The following GHR variants were observed in gnomAD, a reference collection of about 807,000 sequenced individuals.
The protein encoded by GHR is growth hormone receptor.
Under a neutral mutation model 67.1 loss-of-function variants are expected in GHR, and 35 were observed. The ratio of observed to expected loss-of-function variants is 0.52; its 90% CI spans 0.40 to 0.69. The LOEUF (loss-of-function observed/expected upper bound fraction) is 0.69, where lower values mean the gene tolerates loss of function less well. Among genes scored for constraint, GHR ranks in the 30% least tolerant of loss-of-function variants. GHR has a pLI of 0.00. For synonymous variants in GHR, 272 were observed against 269.1 expected (o/e 1.01, Z -0.10); for missense variants, 792 against 764.6 (o/e 1.04, Z -0.42).
At chr5:42,429,110 G>A (rs572986015) in intron 1 of GHR, among the ~76,000 whole-genome samples, 94 of 152,288 alleles carry the variant, frequency 6.2e-4, no homozygotes, top group African/African-American at 2.2e-3. Flanking sequence ...AATTTATAAA[G>A]AAAATTAGGT....
chr5:42,541,701 A>T (rs1748526389), intron 1 of GHR, among the ~76,000 whole-genome samples: 1 of 152,310 alleles, frequency 6.6e-6, no homozygotes, highest in South Asian at 2.1e-4. Context: ...GCCTTGGTTA[A>T]GGGAGATAAA....
At chr5:42,625,874 T>TA (rs1258837444) in intron 2 of GHR, among the ~76,000 whole-genome samples, 2 of 152,054 alleles carry the variant, frequency 1.3e-5, no homozygotes, top group African/African-American at 4.8e-5. Context: ...ATTTTTCCCA[T>TA]AAGAGACTTT....
Position 42,710,874 on chromosome 5 carries a change from T to C in GHR, c.619-333T>C, listed in dbSNP as rs1488979333. On this transcript the variant is annotated intron_variant, in intron 6 of 9. Transcript: ENST00000230882. ...ACAAAAGTATAATATCCCAGATATGTAGGCATATAGTTCTGCCATTCAGAG... is the reference window on the plus strand; with the variant it reads ...ACAAAAGTATAATATCCCAGATATGCAGGCATATAGTTCTGCCATTCAGAG... 3.9e-5 allele frequency among the ~76,000 whole-genome samples: 6 copies of C among 152,202 alleles called. No homozygotes were observed. In the East Asian group the frequency reaches 1.2e-3, roughly 29 times the overall value.
chr5:42,452,593 T>A (rs577197399), intron 1 of GHR, among the ~76,000 whole-genome samples: 185 of 152,272 alleles, frequency 1.2e-3, no homozygotes, highest in African/African-American at 4.3e-3. Context: ...TGTTCATTTT[T>A]AAAAATTCTT....
chr5:42,670,045 A>G (rs1338425806), intron 3 of GHR, among the ~76,000 whole-genome samples: 4 of 152,214 alleles, frequency 2.6e-5, no homozygotes, highest in Admixed American at 6.5e-5. Flanking sequence ...TGGAACCACA[A>G]AAGACTCTGA....
chr5:42,572,585 G>T (rs535038560), intron 2 of GHR, among the ~76,000 whole-genome samples: 1 of 152,158 alleles, frequency 6.6e-6, no homozygotes, highest in Non-Finnish European at 1.5e-5. Flanking sequence ...AGGCCTTGGG[G>T]CTTAGAGCAC....
intron 8 of GHR, among the ~76,000 whole-genome samples, chr5:42,717,070 G>A (rs908004754): frequency 6.6e-6 from 1 of 152,208 alleles, no homozygotes; most frequent in Non-Finnish European, 1.5e-5. Flanking sequence ...ACTTTGGGAG[G>A]ATGGGGCGGG....
intron 1 of GHR, among the ~76,000 whole-genome samples, chr5:42,487,677 A>G (rs1451536394): frequency 6.6e-6 from 1 of 152,172 alleles, no homozygotes; most frequent in African/African-American, 2.4e-5. Context: ...GCCTTCCAAA[A>G]CTATATTTTA....
intron 3 of GHR, among the ~76,000 whole-genome samples, chr5:42,687,469 A>C (rs1248170961): frequency 6.6e-6 from 1 of 152,240 alleles, no homozygotes; most frequent in Admixed American, 6.5e-5. Context: ...AATGGAAACT[A>C]GACAAGGACC....
intron 2 of GHR, among the ~76,000 whole-genome samples, chr5:42,600,230 A>G (rs145877704): frequency 6.6e-6 from 1 of 152,350 alleles, no homozygotes; most frequent in African/African-American, 2.4e-5. Context: ...CTAGGAAAGT[A>G]GACCCTGGAG....
rs1280541268 is a variant in GHR, at chr5:42,533,298, G to C, written c.-11-32566G>C. Among the ~76,000 whole-genome samples the C allele has an allele frequency of 2.0e-5, 3 of 151,762 alleles. No homozygotes were observed. In the East Asian group the frequency reaches 5.8e-4, roughly 29 times the overall value. On this transcript the variant is annotated intron_variant, in intron 1 of 9. Coordinates refer to ENST00000230882, the MANE Select transcript of GHR (RefSeq NM_000163.5). ...CTTCTCTTTATTAATTTATAGAAAT[G>C]TATGTGTGATCCTAATATGTGTCAT...
At chr5:42,480,146 C>G (rs1745550237) in intron 1 of GHR, among the ~76,000 whole-genome samples, 1 of 152,030 alleles carries the variant, frequency 6.6e-6, no homozygotes, top group Admixed American at 6.5e-5. Flanking sequence ...TGTTATGTAC[C>G]CAGTAGTCAT....
chr5:42,534,981 C>A (rs1012845229), intron 1 of GHR, among the ~76,000 whole-genome samples: 4 of 151,830 alleles, frequency 2.6e-5, no homozygotes, highest in African/African-American at 9.7e-5. Context: ...ATTGCCTTAG[C>A]CCACTTTTTG....
intron 3 of GHR, among the ~76,000 whole-genome samples, chr5:42,679,292 A>G (rs1478934116): frequency 6.6e-6 from 1 of 150,568 alleles, no homozygotes; most frequent in African/African-American, 2.4e-5. Flanking sequence ...CCTGAAAGTC[A>G]CTTTCAAAAA....
chr5:42,513,512 G>A (rs1747110451), intron 1 of GHR, among the ~76,000 whole-genome samples: 1 of 152,164 alleles, frequency 6.6e-6, no homozygotes, highest in South Asian at 2.1e-4. Flanking sequence ...CAGGGGCCAG[G>A]CGCGGTACTG....
intron 2 of GHR, among the ~76,000 whole-genome samples, chr5:42,613,095 T>C (rs1752965698): frequency 6.6e-6 from 1 of 152,154 alleles, no homozygotes; most frequent in African/African-American, 2.4e-5. Flanking sequence ...TTATTTCTGA[T>C]TGTGCTTTCT....
At chr5:42,543,700 A>G (rs116211149) in intron 1 of GHR, among the ~76,000 whole-genome samples, 3 of 152,128 alleles carry the variant, frequency 2.0e-5, no homozygotes, top group Non-Finnish European at 4.4e-5. Context: ...ATTATACTTT[A>G]CTCAGTAATT....
chr5:42,556,544 G>A (rs776362401), intron 1 of GHR, among the ~76,000 whole-genome samples: 1 of 152,104 alleles, frequency 6.6e-6, no homozygotes, highest in Non-Finnish European at 1.5e-5. Context: ...AAAGTAGAAA[G>A]TCAATAAGAG....
intron 3 of GHR, among the ~76,000 whole-genome samples, chr5:42,683,518 A>G (rs1756988829): frequency 6.6e-6 from 1 of 152,234 alleles, no homozygotes; most frequent in African/African-American, 2.4e-5. Flanking sequence ...TTCTGATTAG[A>G]AGCAAGTTAC....
Sources: gnomAD v4.1 joint callset for allele counts (sites outside exome capture counted in the v4.1 genomes callset) on GRCh38, gnomAD v4.1.1 for gene constraint, MANE v1.5 for transcripts, NCBI Gene and HGNC (gene_info 2026-07-23, HGNC 2026-07-21) for gene names.